The following GRID2 variants were observed in gnomAD, a reference collection of about 807,000 sequenced individuals.
GRID2 encodes glutamate receptor ionotropic, delta-2.
In GRID2, 33 loss-of-function variants were observed where a neutral mutation model predicts 114.8. The ratio of observed to expected loss-of-function variants is 0.29; its 90% confidence interval spans 0.22 to 0.38. The LOEUF (loss-of-function observed/expected upper bound fraction) is 0.38. Among genes scored for constraint, GRID2 ranks in the 10% least tolerant of loss-of-function variants. The probability of loss-of-function intolerance (pLI) is 1.00; values close to 1 mark genes in which losing one functional copy is unlikely to be tolerated. For missense variants in GRID2, 1,184 were observed against 1,257.7 expected (o/e 0.94, Z 0.89); for synonymous variants, 505 against 449.9 (o/e 1.12, Z -1.55).
intron 2 of GRID2, among the ~76,000 whole-genome samples, chr4:92,739,337 T>C (rs868578381): frequency 1.3e-5 from 2 of 152,218 alleles, no homozygotes; most frequent in African/African-American, 4.8e-5. Context: ...TTTCCATGTT[T>C]AGCCTTTTGA....
chr4:93,677,871 C>A (rs139359997), intron 14 of GRID2, among the ~76,000 whole-genome samples: 4 of 151,908 alleles, frequency 2.6e-5, no homozygotes, highest in Non-Finnish European at 5.9e-5. Flanking sequence ...AAAAGCAGAG[C>A]GCCTCTCCTC....
chr4:92,370,726 C>A (rs1395683536), intron 1 of GRID2, among the ~76,000 whole-genome samples: 1 of 152,100 alleles, frequency 6.6e-6, no homozygotes, highest in Non-Finnish European at 1.5e-5. Flanking sequence ...GAAGGCATAT[C>A]AAAGCTGAGA....
chr4:93,578,170 C>T (rs1195545832), intron 13 of GRID2, among the ~76,000 whole-genome samples: 19 of 152,138 alleles, frequency 1.2e-4, no homozygotes. Context: ...TTCCACCCTC[C>T]CATCAACATT....
chr4:93,574,533 G>A (rs755786075), intron 13 of GRID2, among the ~76,000 whole-genome samples: 1 of 152,182 alleles, frequency 6.6e-6, no homozygotes, highest in Admixed American at 6.5e-5. Context: ...AGCAACTCAT[G>A]TCTTACCTGG....
In GRID2 at chr4:92,506,794, G is replaced by T. The variant is rs547442873; in HGVS notation, c.89-83337G>T. On this transcript the variant is annotated intron_variant, in intron 1 of 15. Transcript: ENST00000282020. ...TTCACCTCCTTTGAGACAATAGGTT[G>T]ATGTGGTATGTGTCTTCCTATTTCT... Among the ~76,000 whole-genome samples, 135 of 152,038 alleles carry T rather than the reference G, an allele frequency of 8.9e-4. 2 individuals carry two copies. The South Asian group carries it at 0.027, about 30-fold the overall frequency.
intron 2 of GRID2, among the ~76,000 whole-genome samples, chr4:93,035,538 C>A (rs989220684): frequency 3.3e-5 from 5 of 152,148 alleles, no homozygotes; most frequent in African/African-American, 1.2e-4. Flanking sequence ...GCAAACTGAG[C>A]ATGGCTTCCC....
chr4:93,553,621 A>G (rs1734000727), intron 13 of GRID2, among the ~76,000 whole-genome samples: 1 of 152,210 alleles, frequency 6.6e-6, no homozygotes, highest in East Asian at 1.9e-4. Context: ...AGTTCATTAA[A>G]TTATCTCTAA....
intron 1 of GRID2, among the ~76,000 whole-genome samples, chr4:92,318,767 C>G (rs1726148401): frequency 6.6e-6 from 1 of 152,028 alleles, no homozygotes; most frequent in Admixed American, 6.6e-5. Context: ...AGCACCATGC[C>G]CAGCCAGCAG....
At chr4:93,230,215 G>A (rs1378987127) in intron 7 of GRID2, among the ~76,000 whole-genome samples, 1 of 151,592 alleles carries the variant, frequency 6.6e-6, no homozygotes, top group Non-Finnish European at 1.5e-5. Flanking sequence ...TTTCAAACTG[G>A]TTATTGTAGG....
At chr4:92,662,640 T>C (rs1169424832) in intron 2 of GRID2, among the ~76,000 whole-genome samples, 2 of 151,214 alleles carry the variant, frequency 1.3e-5, no homozygotes, top group East Asian at 3.9e-4. Context: ...TTATTGTGAA[T>C]CGTTTTTGCT....
At chr4:93,066,369 A>G (rs571473032) in intron 2 of GRID2, among the ~76,000 whole-genome samples, 32 of 151,956 alleles carry the variant, frequency 2.1e-4, no homozygotes, top group Admixed American at 5.3e-4. Flanking sequence ...TATAATTACT[A>G]TTCCTGGATA....
At chr4:93,703,650 C>A (rs1234477527) in intron 14 of GRID2, among the ~76,000 whole-genome samples, 1 of 115,666 alleles carries the variant, frequency 8.6e-6, no homozygotes, top group East Asian at 3.2e-4. Context: ...CCCCCCTCCC[C>A]CCACCCCACA....
At chr4:93,797,769 G>A (rs1330852044) in intron 1 of GRID2, among the ~76,000 whole-genome samples, 1 of 151,008 alleles carries the variant, frequency 6.6e-6, no homozygotes, top group Non-Finnish European at 1.5e-5. Context: ...TGTTAGCTCT[G>A]GAGAGGCAGA....
intron 8 of GRID2, among the ~76,000 whole-genome samples, chr4:93,273,470 C>T (rs1019600621): frequency 2.0e-5 from 3 of 150,932 alleles, no homozygotes; most frequent in Non-Finnish European, 4.4e-5. Context: ...TCCCCCCCCC[C>T]AAAAAATATC....
intron 1 of GRID2, among the ~76,000 whole-genome samples, chr4:92,329,774 G>A (rs988176189): frequency 2.0e-5 from 3 of 151,910 alleles, no homozygotes; most frequent in African/African-American, 7.2e-5. Flanking sequence ...GGAGGTCTAT[G>A]AAGAAAAAAC....
At chr4:93,611,981 T>C (rs1337528854) in intron 13 of GRID2, among the ~76,000 whole-genome samples, 1 of 149,054 alleles carries the variant, frequency 6.7e-6, no homozygotes, top group Non-Finnish European at 1.5e-5. Flanking sequence ...AGGACTTGCT[T>C]TATGAATCTG....
At chr4:92,640,795 G>A (rs1008287081) in intron 2 of GRID2, among the ~76,000 whole-genome samples, 4 of 151,776 alleles carry the variant, frequency 2.6e-5, no homozygotes, top group Non-Finnish European at 5.9e-5. Context: ...GTTATTGCAA[G>A]CACTTAAACT....
chr4:92,752,646 A>T (rs1737508545), intron 2 of GRID2, among the ~76,000 whole-genome samples: 1 of 152,206 alleles, frequency 6.6e-6, no homozygotes, highest in Non-Finnish European at 1.5e-5. Context: ...TCCTCTGATA[A>T]ATAGTACAGA....
At chr4:92,990,917 A>G (rs867155347) in intron 2 of GRID2, among the ~76,000 whole-genome samples, 2 of 152,180 alleles carry the variant, frequency 1.3e-5, no homozygotes, top group Non-Finnish European at 2.9e-5. Context: ...TCTAGCACAC[A>G]TATTGTAGTA....
Sources: gnomAD v4.1 joint callset for allele counts (sites outside exome capture counted in the v4.1 genomes callset) on GRCh38, gnomAD v4.1.1 for gene constraint, MANE v1.5 for transcripts, NCBI Gene and HGNC (gene_info 2026-07-23, HGNC 2026-07-21) for gene names.